Variants in ACSM2A observed in about 807,000 individuals in gnomAD.
ACSM2A encodes the protein acyl-CoA synthetase medium chain family member 2A.
A neutral mutation model predicts 76.6 loss-of-function variants in ACSM2A; 72 were observed. That is an observed-to-expected ratio of 0.94 (90% confidence interval 0.78 to 1.14). The LOEUF is 1.14. Ranked by LOEUF, ACSM2A falls within the 50% of genes most tolerant of loss-of-function variation. The pLI is 0.00. For synonymous variants in ACSM2A, 249 were observed against 255.9 expected (o/e 0.97, Z 0.26); for missense variants, 684 against 708.5 (o/e 0.97, Z 0.39).
intron 6 of ACSM2A, among the ~76,000 whole-genome samples, chr16:20,474,779 C>T (rs1032010013): frequency 2.0e-4 from 30 of 152,190 alleles, no homozygotes; most frequent in Middle Eastern, 6.8e-3. Flanking sequence ...GCACACACTC[C>T]GTGAGGTTAT....
At chr16:20,481,333 G>T in intron 12 of ACSM2A, 1 of 193,440 alleles carries the variant, frequency 5.2e-6, no homozygotes. Context: ...AGTATCCAGT[G>T]GATGAAAGGA....
intron 12 of ACSM2A, chr16:20,482,063 G>A (rs1651428897): frequency 7.2e-6 from 1 of 139,328 alleles, no homozygotes; most frequent in Non-Finnish European, 1.5e-5. Flanking sequence ...TGAACCCGGG[G>A]GGCGGAGTTT....
chr16:20,486,802 G>T lies in ACSM2A; in HGVS notation c.*124G>T. On this transcript the variant is annotated 3_prime_UTR_variant, in exon 14 of 14. Transcript: ENST00000573854. ...AGAACATGAATATAAGTTTTGTCTT[G>T]CCTTGGTTATTAGCACAAAACTTTA... 1 of 1,244,642 alleles carries T rather than the reference G, an allele frequency of 8.0e-7. No homozygotes were observed. 77.1% of individuals were successfully genotyped at this position (1,244,642 alleles called of 1,614,324 possible). A position where few individuals can be genotyped will look rare whatever the true frequency, so the allele number is the denominator to read the frequency against.
chr16:20,472,329 T>G (rs185871598), intron 6 of ACSM2A, among the ~76,000 whole-genome samples: 8 of 152,306 alleles, frequency 5.3e-5, no homozygotes, highest in African/African-American at 1.9e-4. Context: ...AAGCCCTCTC[T>G]TCCTGGCTTG....
intron 1 of ACSM2A, among the ~76,000 whole-genome samples, chr16:20,458,882 A>G (rs1251370664): frequency 7.7e-6 from 1 of 129,442 alleles, no homozygotes; most frequent in Non-Finnish European, 1.6e-5. Context: ...TAATACATAC[A>G]TAGTATATAT....
At position 20,469,431 on chromosome 16, in the gene ACSM2A, G is replaced by A. The variant is rs1056131451; in HGVS notation, c.389-81G>A. On this transcript the variant is annotated intron_variant, in intron 3 of 13. Transcript: ENST00000573854. ...TCATCCTCTCCTTCCCCACTTGCTC[G>A]CTGCTTGATGTTTATCTCAGGCTTC... 66 of 1,586,642 alleles carry A rather than the reference G, an allele frequency of 4.2e-5. 1 individual carries two copies. In the South Asian group the frequency reaches 4.3e-4, roughly 10 times the overall value.
At chr16:20,474,259 T>C (rs1221311507) in intron 6 of ACSM2A, 2 of 250,648 alleles carry the variant, frequency 8.0e-6, no homozygotes, top group Non-Finnish European at 1.6e-5. Flanking sequence ...ACAAACTCAA[T>C]CCCCAGTGTA....
intron 1 of ACSM2A, among the ~76,000 whole-genome samples, chr16:20,456,511 C>T (rs915957776): frequency 7.9e-5 from 12 of 151,814 alleles, no homozygotes; most frequent in African/African-American, 1.2e-4. Context: ...TTCAAAATCA[C>T]GTGAATACGT....
At chr16:20,473,852 C>T in intron 6 of ACSM2A, 1 of 294,930 alleles carries the variant, frequency 3.4e-6, no homozygotes, top group Non-Finnish European at 6.6e-6. Flanking sequence ...ACAACCTGTT[C>T]TGTCTAAAGC....
At chr16:20,485,231 T>G (rs1836417464) in intron 13 of ACSM2A, among the ~76,000 whole-genome samples, 2 of 152,176 alleles carry the variant, frequency 1.3e-5, no homozygotes, top group African/African-American at 4.8e-5. Context: ...AACTGAATAT[T>G]GTAGAAGGCT....
chr16:20,467,557 A>G (rs186160712), intron 3 of ACSM2A, among the ~76,000 whole-genome samples: 2 of 152,198 alleles, frequency 1.3e-5, no homozygotes, highest in East Asian at 1.9e-4. Flanking sequence ...TTAACAGGCA[A>G]TTGGGGGGTG....
At chr16:20,454,947 G>T (rs1405594703) in intron 1 of ACSM2A, among the ~76,000 whole-genome samples, 2 of 150,722 alleles carry the variant, frequency 1.3e-5, no homozygotes, top group African/African-American at 4.9e-5. Context: ...CAGTGAAATA[G>T]ATAGCATACA....
chr16:20,480,268 G>C (rs1162018378), intron 10 of ACSM2A, among the ~76,000 whole-genome samples: 4 of 152,206 alleles, frequency 2.6e-5, no homozygotes, highest in African/African-American at 9.6e-5. Flanking sequence ...ATCTATGAAA[G>C]GAGAGATGGA....
chr16:20,458,599 T>C (rs1046396525), intron 1 of ACSM2A, among the ~76,000 whole-genome samples: 3 of 141,962 alleles, frequency 2.1e-5, no homozygotes, highest in African/African-American at 7.6e-5. Context: ...ATATATTTTT[T>C]ATATATATAT....
chr16:20,467,072 A>G (rs1470014090), intron 3 of ACSM2A, among the ~76,000 whole-genome samples: 2 of 152,198 alleles, frequency 1.3e-5, no homozygotes, highest in African/African-American at 4.8e-5. Flanking sequence ...GGTTGGAAAC[A>G]AGATGAAGTC....
At chr16:20,480,284 T>C (rs1176530756) in intron 10 of ACSM2A, among the ~76,000 whole-genome samples, 1 of 152,170 alleles carries the variant, frequency 6.6e-6, no homozygotes, top group Non-Finnish European at 1.5e-5. Flanking sequence ...ATGGAATCAA[T>C]TGGGGAAAAT....
In ACSM2A at chr16:20,470,919, A is replaced by G. The variant is rs539509598; in HGVS notation, c.597-154A>G. The G allele has an allele frequency of 9.5e-4, 1,129 of 1,184,290 alleles. 3 individuals are homozygous for G. Among genetic ancestry groups the G allele is most frequent in the Middle Eastern group, 9.7e-4 (4 of 4,104 alleles). 73.4% of individuals were successfully genotyped at this position (1,184,290 alleles called of 1,614,324 possible). On this transcript the variant is annotated intron_variant, in intron 4 of 13. Coordinates refer to ENST00000573854, the MANE Select transcript of ACSM2A (RefSeq NM_001308172.2). Reference sequence around the variant, plus strand: ...TCAAACCCAACTCTGATTGACTCAGACTCCCATGATCTTAATCACTCAGCA... The same window carrying G: ...TCAAACCCAACTCTGATTGACTCAGGCTCCCATGATCTTAATCACTCAGCA...
chr16:20,455,207 G>A (rs1567354373), intron 1 of ACSM2A, among the ~76,000 whole-genome samples: 1 of 151,514 alleles, frequency 6.6e-6, no homozygotes, highest in Non-Finnish European at 1.5e-5. Context: ...ACATCTAAAA[G>A]TTTGGGAAAT....
At chr16:20,457,695 C>T (rs2012275993) in intron 1 of ACSM2A, among the ~76,000 whole-genome samples, 2 of 152,014 alleles carry the variant, frequency 1.3e-5, no homozygotes. Context: ...TATGATAAAC[C>T]CACAGGCAAC....
Sources: gnomAD v4.1 joint callset for allele counts (sites outside exome capture counted in the v4.1 genomes callset) on GRCh38, gnomAD v4.1.1 for gene constraint, MANE v1.5 for transcripts, NCBI Gene and HGNC (gene_info 2026-07-23, HGNC 2026-07-21) for gene names.